Variants in SLC13A4 observed in about 807,000 individuals in gnomAD.
SLC13A4 encodes the protein solute carrier family 13 member 4.
SLC13A4 carries 28 observed loss-of-function variants against 72.7 expected under a neutral mutation model. The observed-to-expected ratio is 0.39, with a 90% CI of 0.29 to 0.53. The LOEUF (loss-of-function observed/expected upper bound fraction) is 0.53. SLC13A4 is among the 20% of genes least tolerant of loss of function. SLC13A4 has a pLI of 0.78. For missense variants in SLC13A4, 653 were observed against 788.0 expected (o/e 0.83, Z 2.05); for synonymous variants, 312 against 325.5 (o/e 0.96, Z 0.45).
intron 9 of SLC13A4, 54 bp downstream of exon 9, chr7:135,695,314 C>T (rs1795876080): frequency 2.5e-6 from 4 of 1,609,152 alleles, no homozygotes; most frequent in African/African-American, 1.3e-5. Flanking sequence ...ATGCCATGGC[C>T]TTTGGATCAA....
At chr7:135,699,607 T>A in intron 7 of SLC13A4, 59 bp from the exon 8 acceptor site, 2 of 1,481,706 alleles carry the variant, frequency 1.3e-6, no homozygotes, top group Non-Finnish European at 9.1e-7. Context: ...GGCCGAAGCA[T>A]GAGAGGCAGG....
At chr7:135,719,297 G>A (rs1796493723) in intron 2 of SLC13A4, among the ~76,000 whole-genome samples, 1 of 152,226 alleles carries the variant, frequency 6.6e-6, no homozygotes, top group Non-Finnish European at 1.5e-5. Flanking sequence ...GAGAAACAGA[G>A]ACACTGTCTG....
rs1275147934 is a variant in SLC13A4 at position 135,719,035 on chromosome 7, G to A, written c.228+2360C>T. 2.0e-5 allele frequency among the ~76,000 whole-genome samples: 3 copies of A among 152,336 alleles called. No individual in the cohort carries two copies. The East Asian group carries it at 5.8e-4, about 29-fold the overall frequency. On this transcript the variant is annotated intron_variant, in intron 2 of 15. Transcript: ENST00000682651. ...CTACTAAATATCATCATCAGCCAAA[G>A]CCACGTCATCAGGCAGGTGGATTCG... is the stretch of plus-strand genomic sequence containing the variant.
chr7:135,701,315 G>A (rs914520569), intron 7 of SLC13A4, among the ~76,000 whole-genome samples: 4 of 152,168 alleles, frequency 2.6e-5, no homozygotes, highest in Admixed American at 1.3e-4. Context: ...CAGAGGAATC[G>A]TGCCAGGAAG....
Position 135,711,963 on chromosome 7 carries a change from ATTTTTTTTTTTTTT to A in SLC13A4, c.229-3727_229-3714del, listed in dbSNP as rs529940903. ...CACTACACCTGGCTAATGTTTTTGG[ATTTTTTTTTTTTTT>A]TTTTTTTTTTTTTTTTTTTTTTTAG... is the stretch of plus-strand genomic sequence containing the variant. On this transcript the variant is annotated intron_variant, in intron 2 of 15. Transcript: ENST00000682651. Among the ~76,000 whole-genome samples the A allele has an allele frequency of 3.9e-3, 182 of 46,902 alleles. 2 individuals carry two copies. The highest frequency in any genetic ancestry group is 0.015 in the East Asian group (16 of 1,084). The allele number at this position is 46,902 out of a possible 152,430, so 30.8% of individuals were successfully genotyped here. A position where few individuals can be genotyped will look rare whatever the true frequency, so the allele number is the denominator to read the frequency against.
chr7:135,727,090 C>T lies in SLC13A4; in HGVS notation c.99+308G>A, dbSNP rs562689617. Among the ~76,000 whole-genome samples the T allele has an allele frequency of 2.0e-4, 30 of 152,344 alleles. 1 individual carries two copies. The highest frequency in any genetic ancestry group is 1.8e-3 in the Admixed American group (28 of 15,310). On this transcript the variant is annotated intron_variant, in intron 1 of 15. Coordinates refer to ENST00000682651, the MANE Select transcript of SLC13A4 (RefSeq NM_001318192.2). ...CGTTTGCATGGGTGTCGCTGGCCCC[C>T]GCTGCTGGGGCAGGCTGGCCTGCTG...
chr7:135,685,511 G>A lies in SLC13A4; in HGVS notation c.1608+11C>T, dbSNP rs1234584164. ...GCCTGTCTGGATGTCTGGGAGCTCC[G>A]CATTACTCACCAGGCTGCACAGGAT... On this transcript the variant is annotated intron_variant, in intron 14 of 15. Transcript: ENST00000682651. 5.6e-6 allele frequency: 9 copies of A among 1,612,836 alleles called. No homozygotes were observed. The highest frequency in any genetic ancestry group is 2.2e-5 in the East Asian group (1 of 44,886).
At chr7:135,710,568 G>T (rs1444505499) in intron 2 of SLC13A4, among the ~76,000 whole-genome samples, 1 of 152,058 alleles carries the variant, frequency 6.6e-6, no homozygotes, top group African/African-American at 2.4e-5. Flanking sequence ...CTCTGAGGGT[G>T]GGGTGGGACT....
intron 2 of SLC13A4, among the ~76,000 whole-genome samples, chr7:135,721,174 C>T (rs1281838846): frequency 1.3e-5 from 2 of 152,166 alleles, no homozygotes; most frequent in Non-Finnish European, 2.9e-5. Flanking sequence ...CTGAAAGAGG[C>T]AAATTTTGAG....
At position 135,699,404 on chromosome 7, in the gene SLC13A4, C is replaced by T. The variant is rs764198708; in HGVS notation, c.859G>A (p.Gly287Ser). 6.2e-6 allele frequency: 10 copies of T among 1,612,832 alleles called. No individual in the cohort carries two copies. The highest frequency in any genetic ancestry group is 1.1e-5 in the South Asian group (1 of 90,666). The change falls in exon 8 of 16, where the codon GGC (glycine) becomes AGC (serine). Residue 287 changes from glycine (G) to serine (S), a missense_variant. Gly to Ser is a moderately conservative substitution (Grantham distance 56). Transcript: ENST00000682651. ...AGGAAGATGAGGCTGGTGGAGGTGC[C>T]GATGATGGTGGTCAGGCCGCCAATG... ...ATIGGLTTIIGTSTSLIFLEH... is the reference protein window; with the variant it reads ...ATIGGLTTIISTSTSLIFLEH...
At chr7:135,683,299 A>C in intron 15 of SLC13A4, 2 of 405,358 alleles carry the variant, frequency 4.9e-6, no homozygotes, top group Non-Finnish European at 6.5e-6. Context: ...TCTGTCTCAA[A>C]AAAAAAAAAA....
chr7:135,687,143 AC>A (rs1241426138), intron 13 of SLC13A4, among the ~76,000 whole-genome samples: 1 of 152,150 alleles, frequency 6.6e-6, no homozygotes, highest in East Asian at 1.9e-4. Flanking sequence ...AGGGAGGGCT[AC>A]CTCCCTCTCC....
intron 13 of SLC13A4, among the ~76,000 whole-genome samples, chr7:135,688,604 T>C (rs936723983): frequency 6.6e-6 from 1 of 152,172 alleles, no homozygotes; most frequent in Non-Finnish European, 1.5e-5. Context: ...AGCAGAACTA[T>C]TTTATACTAT....
chr7:135,713,110 A>T (rs1034332880), intron 2 of SLC13A4, among the ~76,000 whole-genome samples: 1 of 152,138 alleles, frequency 6.6e-6, no homozygotes, highest in African/African-American at 2.4e-5. Flanking sequence ...CCCATTTTAT[A>T]ATTTCCCAGA....
chr7:135,703,289 G>A, intron 5 of SLC13A4: 1 of 188,132 alleles, frequency 5.3e-6, no homozygotes, highest in Non-Finnish European at 1.1e-5. Flanking sequence ...GGCAGAGGAG[G>A]GTAGGAGTCC....
intron 15 of SLC13A4, chr7:135,683,327 A>AAG: frequency 2.5e-5 from 13 of 520,388 alleles, no homozygotes; most frequent in East Asian, 1.5e-4. Context: ...AAAAAAAAGG[A>AAG]TAAAAAAGGA....
At chr7:135,700,788 G>T (rs1210527591) in intron 7 of SLC13A4, among the ~76,000 whole-genome samples, 2 of 152,068 alleles carry the variant, frequency 1.3e-5, no homozygotes, top group African/African-American at 4.8e-5. Context: ...GGGACTACAG[G>T]CATGCACCAC....
rs755951971 is a variant in SLC13A4, at chr7:135,695,474, C to T, written c.913G>A (p.Ala305Thr). 20 of 1,613,834 alleles carry T rather than the reference C, an allele frequency of 1.2e-5. No homozygotes were observed. The highest frequency in any genetic ancestry group is 1.6e-4 in the Middle Eastern group (1 of 6,084). Residue 305 changes from alanine (A) to threonine (T), a missense_variant, in exon 9 of 16, where the codon GCA becomes ACA. Coordinates refer to ENST00000682651, the MANE Select transcript of SLC13A4 (RefSeq NM_001318192.2). ...LEHFNNQYPA[A>T]EVVNFGTWFL... is the part of the protein sequence containing the mutation. ...CAGGTGCCAAAGTTCACCACCTCTG[C>T]GGCTGGATACTGGCTGGAGGGTAAA...
intron 10 of SLC13A4, chr7:135,693,212 T>C (rs1025330400): frequency 7.3e-5 from 11 of 151,564 alleles, no homozygotes; most frequent in African/African-American, 2.7e-4. Flanking sequence ...CTATATCCAA[T>C]GGTATTTCAT....
Sources: allele counts gnomAD v4.1 joint callset (sites outside exome capture counted in the v4.1 genomes callset), GRCh38; gene constraint gnomAD v4.1.1; transcripts MANE v1.5; gene names NCBI Gene and HGNC (gene_info 2026-07-23, HGNC 2026-07-21).